Variants in BRINP3 observed in about 807,000 individuals in gnomAD.
BRINP3 encodes BMP/retinoic acid-inducible neural-specific protein 3.
Under a neutral mutation model 71.0 loss-of-function variants are expected in BRINP3, and 19 were observed. The observed-to-expected ratio is 0.27, with a 90% CI of 0.19 to 0.39. The LOEUF (loss-of-function observed/expected upper bound fraction) is 0.39. BRINP3 is among the 10% of genes least tolerant of loss of function. The probability of loss-of-function intolerance (pLI) is 1.00; values close to 1 mark genes in which losing one functional copy is unlikely to be tolerated. For synonymous variants in BRINP3, 380 were observed against 337.7 expected, an observed-to-expected ratio of 1.13 and a Z score of -1.37; for missense variants, 959 against 940.8, an observed-to-expected ratio of 1.02 and a Z score of -0.25.
chr1:190,284,740 T>A (rs951540697), intron 2 of BRINP3, among the ~76,000 whole-genome samples: 1 of 152,070 alleles, frequency 6.6e-6, no homozygotes, highest in African/African-American at 2.4e-5. Flanking sequence ...ACACCCCATC[T>A]ATTAATCTAT....
chr1:190,387,161 G>A (rs534962964), intron 2 of BRINP3, among the ~76,000 whole-genome samples: 4 of 151,960 alleles, frequency 2.6e-5, no homozygotes, highest in African/African-American at 9.6e-5. Context: ...TCTTATTGCT[G>A]AATCAAAATT....
At chr1:190,188,281 T>A (rs1212664388) in intron 6 of BRINP3, among the ~76,000 whole-genome samples, 3 of 152,196 alleles carry the variant, frequency 2.0e-5, no homozygotes, top group East Asian at 3.9e-4. Flanking sequence ...TCCTTAGGAT[T>A]TTCTGTACAT....
intron 2 of BRINP3, among the ~76,000 whole-genome samples, chr1:190,432,804 A>T (rs1039624547): frequency 6.6e-6 from 1 of 152,182 alleles, no homozygotes; most frequent in Non-Finnish European, 1.5e-5. Context: ...TTTAGGATTA[A>T]CCATCCAGAA....
intron 2 of BRINP3, among the ~76,000 whole-genome samples, chr1:190,366,930 C>T (rs1669543713): frequency 6.6e-6 from 1 of 152,200 alleles, no homozygotes; most frequent in African/African-American, 2.4e-5. Context: ...CAGAGTATAG[C>T]CCTCCTCCCA....
At chr1:190,391,589 G>A (rs762418175) in intron 2 of BRINP3, among the ~76,000 whole-genome samples, 28 of 151,608 alleles carry the variant, frequency 1.8e-4, no homozygotes, top group Non-Finnish European at 1.8e-4. Context: ...AGAGATACTC[G>A]TAAAAATCAA....
intron 2 of BRINP3, among the ~76,000 whole-genome samples, chr1:190,330,355 A>C (rs926900900): frequency 6.6e-6 from 1 of 152,096 alleles, no homozygotes; most frequent in African/African-American, 2.4e-5. Flanking sequence ...GAAGACATAC[A>C]AGTGGCCAAC....
intron 2 of BRINP3, among the ~76,000 whole-genome samples, chr1:190,323,175 C>T (rs905471946): frequency 6.1e-4 from 93 of 152,060 alleles, no homozygotes; most frequent in African/African-American, 2.2e-3. Context: ...CATACCTGGT[C>T]TAGGTAGTGC....
intron 7 of BRINP3, among the ~76,000 whole-genome samples, chr1:190,141,556 T>C (rs1461655545): frequency 3.5e-5 from 1 of 28,652 alleles, no homozygotes; most frequent in Non-Finnish European, 5.8e-5. Flanking sequence ...CTTTCTTTCC[T>C]TTTTTTTTTT....
At chr1:190,105,641 A>C (rs1652085652) in intron 7 of BRINP3, among the ~76,000 whole-genome samples, 1 of 152,074 alleles carries the variant, frequency 6.6e-6, no homozygotes, top group Non-Finnish European at 1.5e-5. Context: ...CCTGGTCTCT[A>C]TTTCTCCAGA....
intron 6 of BRINP3, among the ~76,000 whole-genome samples, chr1:190,197,045 A>C (rs1426811849): frequency 6.6e-6 from 1 of 152,016 alleles, no homozygotes; most frequent in Non-Finnish European, 1.5e-5. Flanking sequence ...ATGGAGATTT[A>C]ATGGACTCAC....
intron 6 of BRINP3, among the ~76,000 whole-genome samples, chr1:190,170,898 ACTCT>A (rs1325145925): frequency 6.6e-6 from 1 of 152,020 alleles, no homozygotes; most frequent in Admixed American, 6.6e-5. Flanking sequence ...AACACTCTTA[ACTCT>A]CTATCTTAGT....
intron 2 of BRINP3, among the ~76,000 whole-genome samples, chr1:190,332,960 T>C (rs766084737): frequency 6.6e-6 from 1 of 151,914 alleles, no homozygotes; most frequent in African/African-American, 2.4e-5. Flanking sequence ...TAAGCTTTAT[T>C]TCACATCTGT....
intron 2 of BRINP3, among the ~76,000 whole-genome samples, chr1:190,418,330 T>C (rs1176586924): frequency 6.6e-6 from 1 of 152,142 alleles, no homozygotes; most frequent in Non-Finnish European, 1.5e-5. Context: ...GGACTACAGG[T>C]ATGAGCCACT....
At position 190,098,864 on chromosome 1, in the gene BRINP3, A is replaced by G. The variant is rs148234393; in HGVS notation, c.1455T>C (p.Tyr485=). 2.5e-6 allele frequency: 4 copies of G among 1,614,094 alleles called. No homozygotes were observed. The highest frequency in any genetic ancestry group is 1.6e-4 in the Middle Eastern group (1 of 6,084). The change falls in exon 8 of 8, where the codon TAT becomes TAC. Residue 485 remains tyrosine, a synonymous_variant. Transcript: ENST00000367462. Reference sequence around the variant, plus strand: ...CTTGCAGGTCAGTTTCAAAGCCAATATAGTGATCGGTGGACTCGGCGACTT... The same window carrying G: ...CTTGCAGGTCAGTTTCAAAGCCAATGTAGTGATCGGTGGACTCGGCGACTT... ...KPEVAESTDH[Y]IGFETDLQDL... is the part of the protein sequence containing the mutation.
rs575599082 is a variant in BRINP3 at position 190,101,608 on chromosome 1, T to C, written c.1185-2474A>G. On this transcript the variant is annotated intron_variant, in intron 7 of 7. Coordinates refer to ENST00000367462, the MANE Select transcript of BRINP3 (RefSeq NM_199051.3). ...TTTCTCTTTCTCTGTCCTCTCCTGT[T>C]TTTGCTTCTTTATTCAGTTCTCATT... Among the ~76,000 whole-genome samples the C allele has an allele frequency of 9.9e-5, 15 of 152,256 alleles. No individual in the cohort carries two copies. In the South Asian group the frequency reaches 2.1e-3, roughly 21 times the overall value.
intron 2 of BRINP3, among the ~76,000 whole-genome samples, chr1:190,351,358 T>C (rs1470142408): frequency 6.6e-6 from 1 of 152,110 alleles, no homozygotes; most frequent in African/African-American, 2.4e-5. Context: ...CTCATTTTGC[T>C]TACAATATAA....
At chr1:190,179,574 T>C (rs1311590549) in intron 6 of BRINP3, among the ~76,000 whole-genome samples, 3 of 152,258 alleles carry the variant, frequency 2.0e-5, no homozygotes, top group East Asian at 3.9e-4. Context: ...AAGCAGTAAT[T>C]ATTAATGCTC....
chr1:190,454,834 C>T lies in BRINP3; in HGVS notation c.57G>A (p.Glu19=), dbSNP rs779253755. The T allele has an allele frequency of 5.0e-6, 8 of 1,614,184 alleles. No individual in the cohort carries two copies. The East Asian group carries it at 1.6e-4, about 31-fold the overall frequency. ...AELFSLMALW[E]WIALSLHCWV... is the part of the protein sequence containing the mutation. ...AGCAATGAAGACTCAGTGCTATCCACTCCCATAGAGCCATCAGAGAGAACA... is the reference window on the plus strand; with the variant it reads ...AGCAATGAAGACTCAGTGCTATCCATTCCCATAGAGCCATCAGAGAGAACA... The change falls in exon 2 of 8, where the codon GAG becomes GAA. Residue 19 remains glutamate, a synonymous_variant. Transcript: ENST00000367462.
At chr1:190,403,614 G>A (rs1000289585) in intron 2 of BRINP3, among the ~76,000 whole-genome samples, 1 of 152,186 alleles carries the variant, frequency 6.6e-6, no homozygotes, top group African/African-American at 2.4e-5. Flanking sequence ...TTTAATGATC[G>A]CATGAGGAAT....
Sources: gnomAD v4.1 joint callset for allele counts (sites outside exome capture counted in the v4.1 genomes callset) on GRCh38, gnomAD v4.1.1 for gene constraint, MANE v1.5 for transcripts, NCBI Gene and HGNC (gene_info 2026-07-23, HGNC 2026-07-21) for gene names.